The following ERCC5 variants were observed in gnomAD, a reference collection of about 807,000 sequenced individuals.
The protein encoded by ERCC5 is ERCC excision repair 5, endonuclease.
In ERCC5, 68 loss-of-function variants were observed where a neutral mutation model predicts 105.6. The observed-to-expected ratio is 0.64, with a 90% CI of 0.53 to 0.79. The LOEUF is 0.79. Among genes scored for constraint, ERCC5 ranks in the 30% least tolerant of loss-of-function variants. The pLI is 0.00. For missense variants in ERCC5, 1,373 were observed against 1,426.7 expected, an observed-to-expected ratio of 0.96 and a Z score of 0.61; for synonymous variants, 546 against 526.2, an observed-to-expected ratio of 1.04 and a Z score of -0.51.
intron 12 of ERCC5, among the ~76,000 whole-genome samples, chr13:102,870,842 G>A (rs930164799): frequency 6.6e-6 from 1 of 152,216 alleles, no homozygotes; most frequent in Admixed American, 6.5e-5. Flanking sequence ...TTGTGAAGCG[G>A]GGGAGCCTGA....
At chr13:102,857,325 G>A (rs752808324) in intron 5 of ERCC5, among the ~76,000 whole-genome samples, 1 of 152,218 alleles carries the variant, frequency 6.6e-6, no homozygotes, top group African/African-American at 2.4e-5. Context: ...TTCACTAGCT[G>A]TGTGATCTTA....
chr13:102,862,675 G>A lies in ERCC5; in HGVS notation c.1526G>A (p.Arg509Lys), dbSNP rs2140528050. 1 of 1,614,194 alleles carries A rather than the reference G, an allele frequency of 6.2e-7. No individual in the cohort carries two copies. Among genetic ancestry groups the A allele is most frequent in the South Asian group, 1.1e-5 (1 of 91,080 alleles). ...DRLPLESAVV[R>K]HSDAPGLPNG... is the part of the protein sequence containing the mutation. ...CTGCCTCTGGAGAGTGCAGTGGTTAGACATAGTGACGCACCTGGGCTCCCG... is the reference window on the plus strand; with the variant it reads ...CTGCCTCTGGAGAGTGCAGTGGTTAAACATAGTGACGCACCTGGGCTCCCG... Residue 509 changes from arginine (R) to lysine (K), a missense_variant, in exon 8 of 15, where the codon AGA becomes AAA. By Grantham distance (26) the Arg-to-Lys change is conservative. Coordinates refer to ENST00000652225, the MANE Select transcript of ERCC5 (RefSeq NM_000123.4).
rs1381429082 is a variant in ERCC5, at chr13:102,865,157, C to T, written c.1955-510C>T. ...GCTGGACAGGCCTTGCCAGCCCTCT[C>T]CACCTACAGGGAAGGAAGGCAACCA... is the stretch of plus-strand genomic sequence containing the variant. On this transcript the variant is annotated intron_variant, in intron 8 of 14. Transcript: ENST00000652225. The surrounding 1 kb of genome is among the most constrained non-coding windows in gnomAD (Gnocchi z 4.0). 1 of 186,938 alleles carries T rather than the reference C, an allele frequency of 5.3e-6. No homozygotes were observed. Among genetic ancestry groups the T allele is most frequent in the African/African-American group, 2.4e-5 (1 of 41,700 alleles). 11.6% of individuals were successfully genotyped at this position (186,938 alleles called of 1,614,324 possible). A position where few individuals can be genotyped will look rare whatever the true frequency, so the allele number is the denominator to read the frequency against.
chr13:102,873,947 G>T (rs1210751955), intron 14 of ERCC5, among the ~76,000 whole-genome samples: 1 of 152,140 alleles, frequency 6.6e-6, no homozygotes, highest in Non-Finnish European at 1.5e-5. Context: ...GCAGAAATGA[G>T]AATGTAGCTT....
At chr13:102,869,286 A>G (rs1882950907) in intron 12 of ERCC5, among the ~76,000 whole-genome samples, 2 of 152,232 alleles carry the variant, frequency 1.3e-5, no homozygotes, top group African/African-American at 2.4e-5. Flanking sequence ...GAGGAAATTT[A>G]TATACCGGGA....
intron 12 of ERCC5, among the ~76,000 whole-genome samples, chr13:102,870,306 G>C (rs768159055): frequency 6.6e-6 from 1 of 152,146 alleles, no homozygotes; most frequent in Non-Finnish European, 1.5e-5. Flanking sequence ...GGGGGAAAAA[G>C]GAGAGCTGAA....
chr13:102,875,396 T>A lies in ERCC5; in HGVS notation c.3054T>A (p.Ala1018=). Residue 1018 remains alanine (A), a synonymous_variant, in exon 15 of 15, where the codon GCT becomes GCA. Transcript: ENST00000652225. ...TTAAGAGCCAGAGACTAAACAGAGC[T>A]GTGACATGTATGCTAAGGAAAGAGA... is the stretch of plus-strand genomic sequence containing the variant. The part of the protein sequence containing the change: ...KRIKSQRLNR[A]VTCMLRKEKE... The A allele has an allele frequency of 6.2e-7, 1 of 1,614,100 alleles. No individual in the cohort carries two copies. The highest frequency in any genetic ancestry group is 8.5e-7 in the Non-Finnish European group (1 of 1,180,028).
Position 102,875,852 on chromosome 13 carries a change from G to A in ERCC5, c.3510G>A (p.Gly1170=), listed in dbSNP as rs143198332. Reference sequence around the variant, plus strand: ...TCGTGACCGCCAGATCTGTGTTTGGGAAGAAAAGAAGGAAACTAAGACGTG... The same window carrying A: ...TCGTGACCGCCAGATCTGTGTTTGGAAAGAAAAGAAGGAAACTAAGACGTG... The part of the protein sequence containing the change: ...MVLVTARSVF[G]KKRRKLRRAR... Residue 1170 remains glycine (G), a synonymous_variant, in exon 15 of 15, where the codon GGG becomes GGA. Coordinates refer to ENST00000652225, the MANE Select transcript of ERCC5 (RefSeq NM_000123.4). The A allele has an allele frequency of 1.5e-5, 24 of 1,612,330 alleles. No individual in the cohort carries two copies. The highest frequency in any genetic ancestry group is 2.0e-5 in the Non-Finnish European group (24 of 1,180,002).
rs772813343 is a variant in ERCC5 at position 102,875,776 on chromosome 13, C to T, written c.3434C>T (p.Thr1145Ile). ...CCCGTGAAGAATGGAGGTGCGACCA[C>T]CAGCAGCTCTAGTGATAGTGATGAC... is the stretch of plus-strand genomic sequence containing the variant. ...EAPVKNGGAT[T>I]SSSSDSDDDG... The change falls in exon 15 of 15, where the codon ACC (threonine) becomes ATC (isoleucine). Residue 1145 changes from threonine to isoleucine, a missense_variant. Thr to Ile is a moderately conservative substitution (Grantham distance 89, BLOSUM62 -1). This residue lies in a region of ERCC5 where 367 missense variants were observed against 350.2 expected (regional missense o/e 1.05). Coordinates refer to ENST00000652225, the MANE Select transcript of ERCC5 (RefSeq NM_000123.4). 6.2e-7 allele frequency: 1 copy of T among 1,614,036 alleles called. No homozygotes were observed. The highest frequency in any genetic ancestry group is 8.5e-7 in the Non-Finnish European group (1 of 1,180,012).
Position 102,862,710 on chromosome 13 carries a change from G to A in ERCC5, c.1561G>A (p.Glu521Lys). The A allele has an allele frequency of 3.1e-6, 5 of 1,614,208 alleles. No homozygotes were observed. The highest frequency in any genetic ancestry group is 1.7e-5 in the Admixed American group (1 of 60,024). ...SDAPGLPNGRELTPASPTCTN... is the reference protein window; with the variant it reads ...SDAPGLPNGRKLTPASPTCTN... ...CGCACCTGGGCTCCCGAATGGAAGG[G>A]AACTGACACCGGCATCTCCAACTTG... The change falls in exon 8 of 15, where the codon GAA becomes AAA. Residue 521 changes from glutamate to lysine, a missense_variant. Glu to Lys is a moderately conservative substitution (Grantham distance 56). Transcript: ENST00000652225.
intron 1 of ERCC5, among the ~76,000 whole-genome samples, chr13:102,847,262 T>A (rs1337829856): frequency 3.9e-5 from 6 of 152,108 alleles, no homozygotes; most frequent in Non-Finnish European, 7.3e-5. Context: ...TGATACTGCT[T>A]TTGAAATTTT....
At chr13:102,856,256 G>A (rs1161717548) in intron 5 of ERCC5, 144 bp downstream of exon 5, 2 of 739,266 alleles carry the variant, frequency 2.7e-6, no homozygotes, top group Admixed American at 2.3e-5. Context: ...GCATATATAT[G>A]TGTACATGTA....
At chr13:102,867,727 G>C (rs1419543176) in intron 11 of ERCC5, among the ~76,000 whole-genome samples, 1 of 152,206 alleles carries the variant, frequency 6.6e-6, no homozygotes, top group Non-Finnish European at 1.5e-5. Context: ...CCTGCCTTCA[G>C]TAAGACAAGG....
intron 3 of ERCC5, 46 bp downstream of exon 3, chr13:102,853,918 G>T: frequency 6.4e-7 from 1 of 1,570,600 alleles, no homozygotes; most frequent in South Asian, 1.1e-5. Flanking sequence ...TTTTAAAAAA[G>T]TGATTTTTGT....
chr13:102,862,433 T>C lies in ERCC5; in HGVS notation c.1284T>C (p.Ser428=). ...GTATAAACAGCTCCACCGAGAACAG[T>C]GATGAAGGACTTAAAGTGAGAGATG... ...EMRINSSTEN[S]DEGLKVRDGK... Residue 428 remains serine, a synonymous_variant, in exon 8 of 15, where the codon AGT becomes AGC. Coordinates refer to ENST00000652225, the MANE Select transcript of ERCC5 (RefSeq NM_000123.4). The C allele has an allele frequency of 1.2e-6, 2 of 1,613,170 alleles. No homozygotes were observed. The highest frequency in any genetic ancestry group is 1.7e-6 in the Non-Finnish European group (2 of 1,179,900).
At chr13:102,868,039 T>C in intron 11 of ERCC5, 74 bp from the exon 12 acceptor site, 1 of 1,439,010 alleles carries the variant, frequency 6.9e-7, no homozygotes, top group Non-Finnish European at 9.6e-7. Flanking sequence ...ACGTACATGA[T>C]TTATATAATA....
In ERCC5 at chr13:102,862,012, G is replaced by A. The variant is rs1882638559; in HGVS notation, c.881-18G>A. ...ACTGTAAAACTGAATGGTGAGAAGT[G>A]TTTTAATTCTTCTTAAGGTATTCAA... is the stretch of plus-strand genomic sequence containing the variant. On this transcript the variant is annotated intron_variant, in intron 7 of 14. Transcript: ENST00000652225. 2 of 1,613,750 alleles carry A rather than the reference G, an allele frequency of 1.2e-6. No individual in the cohort carries two copies. Among genetic ancestry groups the A allele is most frequent in the East Asian group, 2.2e-5 (1 of 44,894 alleles).
At chr13:102,872,800 A>C (rs1883077752) in intron 13 of ERCC5, among the ~76,000 whole-genome samples, 1 of 152,252 alleles carries the variant, frequency 6.6e-6, no homozygotes, top group African/African-American at 2.4e-5. Context: ...CACATACTTA[A>C]ATATTATTGA....
intron 5 of ERCC5, 132 bp from the exon 6 acceptor site, chr13:102,858,143 C>A: frequency 7.8e-7 from 1 of 1,287,636 alleles, no homozygotes; most frequent in Non-Finnish European, 1.1e-6. Context: ...AGATTATATG[C>A]AACTGTGTTT....
Sources: gnomAD v4.1 joint callset for allele counts (sites outside exome capture counted in the v4.1 genomes callset) on GRCh38, gnomAD v4.1.1 for gene constraint, gnomAD v4.1.1 regional missense constraint, Gnocchi (gnomAD v3.1) non-coding constraint, MANE v1.5 for transcripts, NCBI Gene and HGNC (gene_info 2026-07-23, HGNC 2026-07-21) for gene names.